The following CCDC170 variants were observed in gnomAD, a reference collection of about 807,000 sequenced individuals.
CCDC170 encodes coiled-coil domain-containing protein 170.
Under a neutral mutation model 72.6 loss-of-function variants are expected in CCDC170, and 69 were observed. That is an observed-to-expected ratio of 0.95 (90% CI 0.78 to 1.16). CCDC170 has a LOEUF of 1.16. Among genes scored for constraint, CCDC170 ranks in the 50% most tolerant of loss-of-function variants. The probability of loss-of-function intolerance (pLI) is 0.00; values close to 1 mark genes in which losing one functional copy is unlikely to be tolerated. For missense variants in CCDC170, 852 were observed against 832.5 expected (o/e 1.02, Z -0.29); for synonymous variants, 300 against 303.9 (o/e 0.99, Z 0.13).
At chr6:151,517,678 G>A (rs1273363654) in intron 1 of CCDC170, among the ~76,000 whole-genome samples, 4 of 151,606 alleles carry the variant, frequency 2.6e-5, no homozygotes, top group African/African-American at 4.8e-5. Flanking sequence ...TCCTGACCTC[G>A]TGATCCACCC....
chr6:151,560,381 C>T (rs1208792277), intron 5 of CCDC170, among the ~76,000 whole-genome samples: 1 of 152,040 alleles, frequency 6.6e-6, no homozygotes, highest in Non-Finnish European at 1.5e-5. Flanking sequence ...ATGACTGAGG[C>T]ATGTGTTCAA....
chr6:151,591,343 C>T (rs1182681786), intron 7 of CCDC170, among the ~76,000 whole-genome samples: 2 of 152,058 alleles, frequency 1.3e-5, no homozygotes, highest in Admixed American at 6.6e-5. Flanking sequence ...TAAGCATTGT[C>T]CTATGTGTGG....
At chr6:151,602,054 C>A (rs1776717565) in intron 9 of CCDC170, among the ~76,000 whole-genome samples, 1 of 152,154 alleles carries the variant, frequency 6.6e-6, no homozygotes, top group African/African-American at 2.4e-5. Flanking sequence ...TGGGTCAAAG[C>A]TTTTGTACTC....
chr6:151,583,243 T>A (rs995419189), intron 6 of CCDC170, among the ~76,000 whole-genome samples: 1 of 152,012 alleles, frequency 6.6e-6, no homozygotes, highest in Non-Finnish European at 1.5e-5. Flanking sequence ...TCCACCCACC[T>A]TGGCCTCCCA....
At chr6:151,520,224 C>T (rs1159050112) in intron 1 of CCDC170, among the ~76,000 whole-genome samples, 1 of 152,194 alleles carries the variant, frequency 6.6e-6, no homozygotes, top group African/African-American at 2.4e-5. Flanking sequence ...ACAGCTTATT[C>T]CTTCCCCTTG....
intron 5 of CCDC170, among the ~76,000 whole-genome samples, chr6:151,561,330 T>C (rs1395937965): frequency 6.6e-6 from 1 of 152,168 alleles, no homozygotes; most frequent in East Asian, 1.9e-4. Context: ...TTTGTACTTA[T>C]GTGTGCTTTT....
At chr6:151,582,899 CA>C (rs1251222217) in intron 6 of CCDC170, among the ~76,000 whole-genome samples, 1 of 151,994 alleles carries the variant, frequency 6.6e-6, no homozygotes, top group African/African-American at 2.4e-5. Context: ...CCACTAGGCC[CA>C]CCTCCAACTG....
At chr6:151,553,718 A>G (rs1360973337) in intron 5 of CCDC170, among the ~76,000 whole-genome samples, 1 of 151,906 alleles carries the variant, frequency 6.6e-6, no homozygotes, top group Non-Finnish European at 1.5e-5. Flanking sequence ...TCCTGCCAAA[A>G]TCATAAAAAT....
intron 6 of CCDC170, among the ~76,000 whole-genome samples, chr6:151,574,256 A>C (rs181542607): frequency 1.5e-3 from 233 of 152,310 alleles, no homozygotes; most frequent in Non-Finnish European, 2.7e-3. Flanking sequence ...TTTCCATTTT[A>C]ATGGAAAGGC....
Position 151,570,029 on chromosome 6 carries a change from TAGAG to T in CCDC170, c.775-3142_775-3139del, listed in dbSNP as rs1489819897. On this transcript the variant is annotated intron_variant, in intron 5 of 10. Coordinates refer to ENST00000239374, the MANE Select transcript of CCDC170 (RefSeq NM_025059.4). ...AAAAGAAAACGTTCTTTGGATTTGT[TAGAG>T]AGGATTGTTTTGGCCCTTTTCTTGA... 1.3e-4 allele frequency among the ~76,000 whole-genome samples: 20 copies of T among 152,206 alleles called. No homozygotes were observed. In the East Asian group the frequency reaches 3.8e-3, roughly 29 times the overall value.
At chr6:151,615,422 A>G (rs1287968582) in intron 9 of CCDC170, 21 bp from the exon 10 acceptor site, 1 of 1,532,078 alleles carries the variant, frequency 6.5e-7, no homozygotes, top group South Asian at 1.1e-5. Context: ...AGGAGTTATC[A>G]GCATTCTCTT....
chr6:151,526,095 T>TTCCTTCCTTCCTTC (rs1562271394), intron 1 of CCDC170, among the ~76,000 whole-genome samples: 74 of 145,696 alleles, frequency 5.1e-4, no homozygotes, highest in African/African-American at 1.9e-3. Flanking sequence ...TTCCTTCCTT[T>TTCCTTCCTTCCTTC]CTTCCTTCCT....
rs143522854 is a variant in CCDC170 at position 151,587,333 on chromosome 6, G to A, written c.1293+1244G>A. Among the ~76,000 whole-genome samples the A allele has an allele frequency of 3.7e-4, 57 of 152,154 alleles. No individual in the cohort carries two copies. In the East Asian group the frequency reaches 9.9e-3, roughly 26 times the overall value. On this transcript the variant is annotated intron_variant, in intron 7 of 10. Coordinates refer to ENST00000239374, the MANE Select transcript of CCDC170 (RefSeq NM_025059.4). Reference sequence around the variant, plus strand: ...GGGGATCCTTGAGAGGAAGGGGAGCGACCTTCTAGTAGACCAGTGTGAAGT... The same window carrying A: ...GGGGATCCTTGAGAGGAAGGGGAGCAACCTTCTAGTAGACCAGTGTGAAGT...
At chr6:151,498,765 C>A (rs558686989) in intron 1 of CCDC170, among the ~76,000 whole-genome samples, 1 of 146,358 alleles carries the variant, frequency 6.8e-6, no homozygotes, top group Non-Finnish European at 1.5e-5. Context: ...ATTCTAGGCA[C>A]GCTGTATAAG....
chr6:151,530,611 T>C lies in CCDC170; in HGVS notation c.58-5707T>C, dbSNP rs186588403. Among the ~76,000 whole-genome samples, 1,053 of 151,984 alleles carry C rather than the reference T, an allele frequency of 6.9e-3. 14 individuals carry two copies. Among genetic ancestry groups the C allele is most frequent in the African/African-American group, 0.023 (969 of 41,436 alleles). ...CATATGCCACCATGCCCAGCTAATT[T>C]TTGTATGTTTAGTAGAGACTGGGTT... On this transcript the variant is annotated intron_variant, in intron 1 of 10. Coordinates refer to ENST00000239374, the MANE Select transcript of CCDC170 (RefSeq NM_025059.4).
intron 1 of CCDC170, among the ~76,000 whole-genome samples, chr6:151,496,491 A>C (rs1781914884): frequency 6.6e-6 from 1 of 152,230 alleles, no homozygotes; most frequent in Admixed American, 6.5e-5. Flanking sequence ...TTCAGTTTGC[A>C]AAATACTTTA....
rs1246602134 is a variant in CCDC170 at position 151,618,538 on chromosome 6, A to C, written c.*391A>C. Reference sequence around the variant, plus strand: ...TTTACAACCTTTCTGGGGCTCAGACATAAAGTTACCTATCCAAGGTTGCAG... The same window carrying C: ...TTTACAACCTTTCTGGGGCTCAGACCTAAAGTTACCTATCCAAGGTTGCAG... On this transcript the variant is annotated 3_prime_UTR_variant, in exon 11 of 11. Transcript: ENST00000239374. 1 of 201,826 alleles carries C rather than the reference A, an allele frequency of 5.0e-6. No individual in the cohort carries two copies. Among genetic ancestry groups the C allele is most frequent in the Non-Finnish European group, 1.0e-5 (1 of 97,802 alleles). The allele number at this position is 201,826 out of a possible 1,614,324, so 12.5% of individuals were successfully genotyped here.
At chr6:151,551,490 C>T (rs997428243) in intron 5 of CCDC170, among the ~76,000 whole-genome samples, 4 of 152,158 alleles carry the variant, frequency 2.6e-5, no homozygotes, top group Admixed American at 6.5e-5. Context: ...TGATGGATAT[C>T]ACTTTTGATA....
At position 151,536,773 on chromosome 6, in the gene CCDC170, CAAAAAAAAAAAAA is replaced by C. The variant is rs55663799; in HGVS notation, c.186+340_186+352del. ...CTGGTGACAGAGTGAGACTCCATCTCAAAAAAAAAAAAAAAAAAAAAAAAAGAAAAAGAAAAAG... is the reference window on the plus strand; with the variant it reads ...CTGGTGACAGAGTGAGACTCCATCTCAAAAAAAAAAAAGAAAAAGAAAAAG... On this transcript the variant is annotated intron_variant, in intron 2 of 10. Coordinates refer to ENST00000239374, the MANE Select transcript of CCDC170 (RefSeq NM_025059.4). Among the ~76,000 whole-genome samples the C allele has an allele frequency of 7.4e-3, 587 of 79,304 alleles. 5 individuals carry two copies. The highest frequency in any genetic ancestry group is 0.03 in the African/African-American group (560 of 18,696). The allele number at this position is 79,304 out of a possible 152,430, so 52.0% of individuals were successfully genotyped here.
Sources: gnomAD v4.1 joint callset for allele counts (sites outside exome capture counted in the v4.1 genomes callset) on GRCh38, gnomAD v4.1.1 for gene constraint, MANE v1.5 for transcripts, NCBI Gene and HGNC (gene_info 2026-07-23, HGNC 2026-07-21) for gene names.